The following DEPDC1B variants were observed in gnomAD, a reference collection of about 807,000 sequenced individuals.
The protein encoded by DEPDC1B is DEP domain containing 1B.
A neutral mutation model predicts 66.5 loss-of-function variants in DEPDC1B; 51 were observed. The observed-to-expected ratio is 0.77, with a 90% confidence interval of 0.61 to 0.97. The LOEUF (loss-of-function observed/expected upper bound fraction) is 0.97, where lower values mean the gene tolerates loss of function less well. DEPDC1B is among the 50% of genes least tolerant of loss of function. DEPDC1B has a pLI of 0.00. For missense variants in DEPDC1B, 552 were observed against 637.1 expected (o/e 0.87, Z 1.44); for synonymous variants, 226 against 223.6 (o/e 1.01, Z -0.10).
chr5:60,624,180 TATTTAACATTTTTATC>T (rs1039983805), intron 7 of DEPDC1B, among the ~76,000 whole-genome samples: 1 of 152,196 alleles, frequency 6.6e-6, no homozygotes, highest in African/African-American at 2.4e-5. Context: ...TATTGTAATG[TATTTAACATTTTTATC>T]ATTAATGGGT....
intron 7 of DEPDC1B, among the ~76,000 whole-genome samples, chr5:60,623,551 CA>C (rs200238209): frequency 6.6e-6 from 1 of 151,578 alleles, no homozygotes; most frequent in Non-Finnish European, 1.5e-5. Context: ...GAAAACTCTA[CA>C]AAAAAAAGCT....
intron 2 of DEPDC1B, among the ~76,000 whole-genome samples, chr5:60,661,984 G>A (rs1753725794): frequency 6.6e-6 from 1 of 152,176 alleles, no homozygotes; most frequent in Admixed American, 6.5e-5. Flanking sequence ...TGCCTTTCTG[G>A]AGAGACTAAG....
In DEPDC1B at chr5:60,699,443, G is replaced by GAAAAAAAAAAAAAAAAAAA. The variant is rs528758437; in HGVS notation, c.48+584_48+602dup. Among the ~76,000 whole-genome samples, 36 of 89,362 alleles carry GAAAAAAAAAAAAAAAAAAA rather than the reference G, an allele frequency of 4.0e-4. 1 individual carries two copies. The highest frequency in any genetic ancestry group is 5.5e-4 in the African/African-American group (10 of 18,190). 58.6% of individuals were successfully genotyped at this position (89,362 alleles called of 152,430 possible). ...CCTCAATACCAAAGCTTTTCTCCCA[G>GAAAAAAAAAAAAAAAAAAA]AAAAAAAAAAAAAAAAAAACAGGAA... is the stretch of plus-strand genomic sequence containing the variant. On this transcript the variant is annotated intron_variant, in intron 1 of 10. Transcript: ENST00000265036.
chr5:60,610,721 G>A (rs1584025530), intron 7 of DEPDC1B, among the ~76,000 whole-genome samples: 1 of 152,258 alleles, frequency 6.6e-6, no homozygotes, highest in East Asian at 1.9e-4. Context: ...AATTCAGAAA[G>A]CCTCTGTCAC....
At chr5:60,629,484 C>A (rs886302508) in intron 7 of DEPDC1B, among the ~76,000 whole-genome samples, 1 of 152,094 alleles carries the variant, frequency 6.6e-6, no homozygotes, top group South Asian at 2.1e-4. Context: ...GTAATAGTAC[C>A]CCTTCATCCA....
intron 2 of DEPDC1B, among the ~76,000 whole-genome samples, chr5:60,649,243 T>C (rs976841864): frequency 7.9e-5 from 12 of 152,322 alleles, no homozygotes; most frequent in Middle Eastern, 3.4e-3. Flanking sequence ...GGATGACCCA[T>C]AAATTTTCTC....
chr5:60,680,482 A>C (rs1360883836), intron 2 of DEPDC1B, among the ~76,000 whole-genome samples: 1 of 152,198 alleles, frequency 6.6e-6, no homozygotes, highest in East Asian at 1.9e-4. Flanking sequence ...TTAAATCTAG[A>C]AATCATTTTT....
chr5:60,630,702 C>G (rs1752906318), intron 7 of DEPDC1B: 1 of 152,464 alleles, frequency 6.6e-6, no homozygotes, highest in Non-Finnish European at 1.5e-5. Flanking sequence ...CAACTGTGGG[C>G]TCTTTAGCAC....
chr5:60,602,377 G>GA (rs919073079), intron 9 of DEPDC1B, among the ~76,000 whole-genome samples: 5 of 152,022 alleles, frequency 3.3e-5, no homozygotes, highest in Non-Finnish European at 7.4e-5. Context: ...CAAAAAAATA[G>GA]AAAAAATTTT....
chr5:60,678,228 G>A (rs192042760), intron 2 of DEPDC1B, among the ~76,000 whole-genome samples: 9 of 151,834 alleles, frequency 5.9e-5, no homozygotes, highest in African/African-American at 1.5e-4. Flanking sequence ...CATTACTCCC[G>A]AAAACGCTCC....
chr5:60,644,952 T>C, intron 4 of DEPDC1B, 77 bp from the exon 5 acceptor site: 3 of 1,177,104 alleles, frequency 2.5e-6, no homozygotes, highest in Non-Finnish European at 3.5e-6. Context: ...CTACAAAAAA[T>C]CAATCTTTAT....
intron 6 of DEPDC1B, among the ~76,000 whole-genome samples, chr5:60,639,637 T>C (rs2111856218): frequency 6.6e-6 from 1 of 152,304 alleles, no homozygotes; most frequent in Middle Eastern, 3.4e-3. Flanking sequence ...TCCACTTGTG[T>C]CTGGCCCAAA....
chr5:60,617,411 C>A (rs975035242), intron 7 of DEPDC1B, among the ~76,000 whole-genome samples: 3 of 152,110 alleles, frequency 2.0e-5, no homozygotes. Context: ...TGCAGAGACA[C>A]ACATAGGCTC....
At chr5:60,658,011 T>A (rs1165622411) in intron 2 of DEPDC1B, among the ~76,000 whole-genome samples, 1 of 152,206 alleles carries the variant, frequency 6.6e-6, no homozygotes, top group East Asian at 1.9e-4. Context: ...TCTTTGTCTT[T>A]ATTGGATTGG....
chr5:60,626,192 T>C (rs1261622415), intron 7 of DEPDC1B, among the ~76,000 whole-genome samples: 1 of 152,188 alleles, frequency 6.6e-6, no homozygotes, highest in African/African-American at 2.4e-5. Flanking sequence ...TTCATAAAAA[T>C]GGAATCTTTT....
chr5:60,649,002 G>A (rs536223164), intron 2 of DEPDC1B, among the ~76,000 whole-genome samples: 21 of 152,144 alleles, frequency 1.4e-4, no homozygotes, highest in African/African-American at 4.6e-4. Flanking sequence ...TGTAATTGCC[G>A]GAGTTCACAG....
intron 9 of DEPDC1B, among the ~76,000 whole-genome samples, chr5:60,600,681 G>A (rs1334597586): frequency 6.6e-6 from 1 of 152,220 alleles, no homozygotes; most frequent in Non-Finnish European, 1.5e-5. Context: ...ACACTGCAGT[G>A]TCTCTTAACA....
At chr5:60,634,675 A>AAAATAAATAAATAAATAAAT (rs57970296) in intron 7 of DEPDC1B, among the ~76,000 whole-genome samples, 110 of 146,556 alleles carry the variant, frequency 7.5e-4, no homozygotes, top group African/African-American at 2.6e-3. Flanking sequence ...CTGTCTCAAA[A>AAAATAAATAAATAAATAAAT]AAATAAATAA....
rs1378734583 is a variant in DEPDC1B, at chr5:60,597,632, T to C, written c.*121A>G. 9.2e-7 allele frequency: 1 copy of C among 1,086,764 alleles called. No individual in the cohort carries two copies. The highest frequency in any genetic ancestry group is 2.7e-5 in the Admixed American group (1 of 36,364). 67.3% of individuals were successfully genotyped at this position (1,086,764 alleles called of 1,614,324 possible). On this transcript the variant is annotated 3_prime_UTR_variant, in exon 11 of 11. Coordinates refer to ENST00000265036, the MANE Select transcript of DEPDC1B (RefSeq NM_018369.3). The stretch of plus-strand genomic sequence containing the variant: ...TTTAAAAACTAAGGCAATCTTTATC[T>C]ATATTTCAGTAGTCTTTGTTTTATG...
Sources: allele counts gnomAD v4.1 joint callset (sites outside exome capture counted in the v4.1 genomes callset), GRCh38; gene constraint gnomAD v4.1.1; transcripts MANE v1.5; gene names NCBI Gene and HGNC (gene_info 2026-07-23, HGNC 2026-07-21).